SYTL5: variants seen among roughly 807,000 people sequenced by gnomAD.
SYTL5 encodes synaptotagmin-like protein 5.
Under a neutral mutation model 55.9 loss-of-function variants are expected in SYTL5, and 34 were observed. The observed-to-expected ratio is 0.61, with a 90% CI of 0.46 to 0.81. SYTL5 has a LOEUF of 0.81. Ranked by LOEUF, SYTL5 falls within the 30% of genes least tolerant of loss-of-function variation. The probability of loss-of-function intolerance (pLI) is 0.00; values close to 1 mark genes in which losing one functional copy is unlikely to be tolerated. For missense variants in SYTL5, 637 were observed against 546.7 expected (o/e 1.17, Z -1.65); for synonymous variants, 221 against 188.7 (o/e 1.17, Z -1.40).
the SYTL5 span, among the ~76,000 whole-genome samples, chrX:37,913,871 T>A: frequency 8.9e-6 from 1 of 112,296 alleles, no homozygotes; most frequent in South Asian, 3.7e-4. Context: ...AATTTCCTAC[T>A]TCTATTCCCT....
At chrX:37,951,477 G>A in the SYTL5 span, among the ~76,000 whole-genome samples, 1 of 111,044 alleles carries the variant, frequency 9.0e-6, no homozygotes, top group Middle Eastern at 4.6e-3. Flanking sequence ...CCCTAGGGTG[G>A]CGGATTCCAA....
At chrX:37,918,804 T>C in the SYTL5 span, among the ~76,000 whole-genome samples, 1 of 111,159 alleles carries the variant, frequency 9.0e-6, no homozygotes, top group Admixed American at 9.7e-5. Context: ...CTGAATGCCT[T>C]GAACTCACTG....
At chrX:38,042,485 A>G (rs1421327902) in intron 2 of SYTL5, among the ~76,000 whole-genome samples, 1 of 111,863 alleles carries the variant, frequency 8.9e-6, no homozygotes, top group African/African-American at 3.3e-5. Context: ...AAAAATCCAC[A>G]TATAGATGAA....
intron 10 of SYTL5, among the ~76,000 whole-genome samples, chrX:38,102,872 T>C (rs768057556): frequency 8.9e-6 from 1 of 112,048 alleles, no homozygotes; most frequent in Non-Finnish European, 1.9e-5. Flanking sequence ...GCCTACAAAA[T>C]AAAGTCCTTT....
the SYTL5 span, among the ~76,000 whole-genome samples, chrX:37,895,433 C>CTTCCTTCCTTCCTTCCTTCT: frequency 1.5e-4 from 14 of 91,207 alleles, no homozygotes; most frequent in African/African-American, 6.5e-4. Flanking sequence ...TCCTTCCTTC[C>CTTCCTTCCTTCCTTCCTTCT]TTCCTTCCTT....
the SYTL5 span, among the ~76,000 whole-genome samples, chrX:37,903,671 G>A: frequency 9.1e-6 from 1 of 110,258 alleles, no homozygotes; most frequent in Admixed American, 9.5e-5. Context: ...TGCACGTTGT[G>A]CACATGTACC....
At chrX:38,016,847 G>T (rs1388586723) in intron 1 of SYTL5, among the ~76,000 whole-genome samples, 3 of 111,998 alleles carry the variant, frequency 2.7e-5, no homozygotes, top group Non-Finnish European at 5.6e-5. Context: ...AGGCATTTCT[G>T]CTTATTTTCC....
At position 38,105,771 on chromosome X, in the gene SYTL5, C is replaced by A. The variant is rs547451885; in HGVS notation, c.1156-822C>A. On this transcript the variant is annotated intron_variant, in intron 10 of 16. Transcript: ENST00000297875. ...TTGAACCGCAGTTGACCATGGGTAG[C>A]TGAAACTACAGAAAGTGAAACTGTG... Among the ~76,000 whole-genome samples, 67 of 112,254 alleles carry A rather than the reference C, an allele frequency of 6.0e-4. No homozygotes were observed. The South Asian group carries it at 0.014, about 24-fold the overall frequency.
At chrX:38,007,014 C>T (rs1290778963) in intron 1 of SYTL5, among the ~76,000 whole-genome samples, 1 of 111,464 alleles carries the variant, frequency 9.0e-6, no homozygotes, top group African/African-American at 3.3e-5. Flanking sequence ...ATCAAATTCA[C>T]AGCAGAAGTG....
At chrX:38,047,961 C>T (rs1048538719) in intron 2 of SYTL5, among the ~76,000 whole-genome samples, 3 of 110,846 alleles carry the variant, frequency 2.7e-5, no homozygotes, top group African/African-American at 6.6e-5. Context: ...CTGAGGCTTG[C>T]AGATCACAAG....
the SYTL5 span, among the ~76,000 whole-genome samples, chrX:37,966,444 T>TA: frequency 2.0e-5 from 2 of 98,255 alleles, no homozygotes; most frequent in African/African-American, 7.4e-5. Context: ...TTCTTTTTTT[T>TA]TTTTTTTTTT....
chrX:38,054,785 G>T (rs1349429999), intron 3 of SYTL5, among the ~76,000 whole-genome samples: 1 of 111,030 alleles, frequency 9.0e-6, no homozygotes, highest in East Asian at 2.8e-4. Flanking sequence ...CTGGAGTGTA[G>T]TGGCTGTTAT....
At chrX:38,034,918 A>G (rs1179033112) in intron 2 of SYTL5, among the ~76,000 whole-genome samples, 1 of 112,360 alleles carries the variant, frequency 8.9e-6, no homozygotes, top group Non-Finnish European at 1.9e-5. Context: ...TGCAATGTGT[A>G]GGTTTTGTGT....
chrX:38,002,297 G>A (rs1421643949), upstream of SYTL5, among the ~76,000 whole-genome samples: 4 of 111,889 alleles, frequency 3.6e-5, no homozygotes, highest in Non-Finnish European at 7.5e-5. Context: ...CCAAGTCTTT[G>A]CTATTGTGAA....
At chrX:37,893,616 C>G in the SYTL5 span, among the ~76,000 whole-genome samples, 2 of 64,507 alleles carry the variant, frequency 3.1e-5, no homozygotes, top group Non-Finnish European at 4.7e-5. Context: ...TATATACAAT[C>G]TATATATAAT....
At chrX:37,927,843 G>A in the SYTL5 span, among the ~76,000 whole-genome samples, 2 of 111,247 alleles carry the variant, frequency 1.8e-5, no homozygotes, top group African/African-American at 3.3e-5. Flanking sequence ...CTGTCTTATC[G>A]TGTACTTGCC....
intron 1 of SYTL5, among the ~76,000 whole-genome samples, chrX:38,020,684 G>A (rs1266191131): frequency 9.1e-6 from 1 of 109,438 alleles, no homozygotes; most frequent in Non-Finnish European, 1.9e-5. Context: ...GTGAATCAAA[G>A]GGAATGGAGG....
chrX:38,115,483 CAAAAAAAAAAAA>C (rs772227891), intron 13 of SYTL5, among the ~76,000 whole-genome samples: 9 of 17,476 alleles, frequency 5.1e-4, no homozygotes, highest in Non-Finnish European at 8.2e-4. Flanking sequence ...GACTCCGTCT[CAAAAAAAAAAAA>C]AAAAAAAAAA....
At chrX:38,031,205 G>T (rs1167737598) in intron 1 of SYTL5, among the ~76,000 whole-genome samples, 1 of 111,709 alleles carries the variant, frequency 9.0e-6, no homozygotes, top group African/African-American at 3.3e-5. Flanking sequence ...ATCAAAACTT[G>T]ATAGAGTTTT....
Sources: gnomAD v4.1 joint callset for allele counts (sites outside exome capture counted in the v4.1 genomes callset) on GRCh38, gnomAD v4.1.1 for gene constraint, MANE v1.5 for transcripts, NCBI Gene and HGNC (gene_info 2026-07-23, HGNC 2026-07-21) for gene names.